Variants in NAV3 observed in about 807,000 individuals in gnomAD.
NAV3 encodes pore membrane and/or filament interacting like protein 1.
Under a neutral mutation model 244.7 loss-of-function variants are expected in NAV3, and 87 were observed. The observed-to-expected ratio is 0.36, with a 90% CI of 0.30 to 0.42. The LOEUF (loss-of-function observed/expected upper bound fraction) is 0.42, where lower values mean the gene tolerates loss of function less well. NAV3 is among the 20% of genes least tolerant of loss of function. NAV3 has a pLI of 1.00. For synonymous variants in NAV3, 1,126 were observed against 1,042.2 expected (o/e 1.08, Z -1.55); for missense variants, 2,663 against 2,893.3 (o/e 0.92, Z 1.83).
intron 9 of NAV3, among the ~76,000 whole-genome samples, chr12:78,048,702 C>A (rs550698306): frequency 3.3e-5 from 5 of 152,322 alleles, no homozygotes; most frequent in South Asian, 4.1e-4. Flanking sequence ...GGGTCAGGGA[C>A]CCACTTGAGG....
intron 1 of NAV3, among the ~76,000 whole-genome samples, chr12:77,831,992 A>G (rs1019211736): frequency 6.6e-6 from 1 of 152,238 alleles, no homozygotes; most frequent in Non-Finnish European, 1.5e-5. Flanking sequence ...CTCTATTACT[A>G]ATAATCATAA....
At chr12:78,118,883 G>A (rs1566160050) in intron 14 of NAV3, among the ~76,000 whole-genome samples, 1 of 152,094 alleles carries the variant, frequency 6.6e-6, no homozygotes, top group Non-Finnish European at 1.5e-5. Context: ...AATTAACAGG[G>A]TACTCCAAAT....
chr12:77,990,479 A>T (rs1054609102), intron 5 of NAV3, among the ~76,000 whole-genome samples: 4 of 152,206 alleles, frequency 2.6e-5, no homozygotes, highest in African/African-American at 9.6e-5. Context: ...AAGAGGCCTG[A>T]TGGTCAGTTT....
chr12:77,957,086 C>T (rs923533411), intron 3 of NAV3, among the ~76,000 whole-genome samples: 8 of 152,184 alleles, frequency 5.3e-5, no homozygotes, highest in Admixed American at 2.6e-4. Flanking sequence ...ATGAAGCTTT[C>T]TCTGTATCTG....
intron 2 of NAV3, among the ~76,000 whole-genome samples, chr12:77,668,093 A>C (rs1873800830): frequency 6.6e-6 from 1 of 152,204 alleles, no homozygotes; most frequent in Non-Finnish European, 1.5e-5. Context: ...GAAAGGGGAG[A>C]CCACCACATC....
At chr12:77,873,361 T>C (rs1881277237) in intron 1 of NAV3, among the ~76,000 whole-genome samples, 1 of 152,090 alleles carries the variant, frequency 6.6e-6, no homozygotes, top group Non-Finnish European at 1.5e-5. Context: ...ACAGATCTTA[T>C]TGTTACTTTG....
At chr12:77,697,620 G>C (rs1818219550) in intron 2 of NAV3, among the ~76,000 whole-genome samples, 1 of 151,828 alleles carries the variant, frequency 6.6e-6, no homozygotes, top group African/African-American at 2.4e-5. Flanking sequence ...TTTCACTCTG[G>C]CTCATTTTAT....
chr12:77,795,312 T>C (rs986630050), intron 2 of NAV3, among the ~76,000 whole-genome samples: 25 of 152,082 alleles, frequency 1.6e-4, no homozygotes, highest in Admixed American at 1.5e-3. Flanking sequence ...CTGTCTTCGA[T>C]TGTAACAAGG....
At chr12:77,966,081 A>G in intron 3 of NAV3, 148 bp from the exon 4 acceptor site, 2 of 711,378 alleles carry the variant, frequency 2.8e-6, no homozygotes, top group Non-Finnish European at 4.8e-6. Context: ...TAGCCAAAAT[A>G]ATTCTAGTTA....
At chr12:78,084,596 TTC>T (rs1189904179) in intron 12 of NAV3, among the ~76,000 whole-genome samples, 6 of 151,192 alleles carry the variant, frequency 4.0e-5, no homozygotes, top group Non-Finnish European at 5.9e-5. Flanking sequence ...CTCTCTCTCT[TTC>T]TCTCTCTCTC....
At chr12:77,781,524 G>C (rs905285140) in intron 2 of NAV3, among the ~76,000 whole-genome samples, 1 of 152,044 alleles carries the variant, frequency 6.6e-6, no homozygotes, top group African/African-American at 2.4e-5. Context: ...CCCCTGCTTT[G>C]AGTTGTCCTG....
chr12:77,968,026 T>C (rs1892666050), intron 4 of NAV3, among the ~76,000 whole-genome samples: 1 of 152,142 alleles, frequency 6.6e-6, no homozygotes, highest in Non-Finnish European at 1.5e-5. Flanking sequence ...AGAAAGAAAG[T>C]TGATTGCAAC....
At chr12:77,916,216 A>G (rs759337153) in intron 1 of NAV3, among the ~76,000 whole-genome samples, 1 of 152,070 alleles carries the variant, frequency 6.6e-6, no homozygotes, top group Non-Finnish European at 1.5e-5. Context: ...TTTAGATTGC[A>G]CCATAATGTT....
At chr12:78,147,047 C>T (rs1227126853) in intron 21 of NAV3, among the ~76,000 whole-genome samples, 1 of 152,008 alleles carries the variant, frequency 6.6e-6, no homozygotes, top group Non-Finnish European at 1.5e-5. Flanking sequence ...GATTGGTTTA[C>T]ACTGAGGCAA....
chr12:77,824,074 C>T (rs553884518), intron 2 of NAV3, among the ~76,000 whole-genome samples: 5 of 151,698 alleles, frequency 3.3e-5, no homozygotes, highest in Admixed American at 3.3e-4. Context: ...AAATGAAGCA[C>T]AGAGAGTAAA....
At chr12:77,839,114 A>G (rs1354408660) in intron 1 of NAV3, among the ~76,000 whole-genome samples, 1 of 152,156 alleles carries the variant, frequency 6.6e-6, no homozygotes, top group African/African-American at 2.4e-5. Context: ...AGCGTAGGAT[A>G]TTTGGCAGCA....
At chr12:78,175,245 A>G (rs952502299) in intron 24 of NAV3, 61 bp from the exon 25 acceptor site, 2 of 1,573,008 alleles carry the variant, frequency 1.3e-6, no homozygotes, top group Non-Finnish European at 1.7e-6. Context: ...GACCTAAAAG[A>G]CTTATTTGTT....
At chr12:78,020,046 T>A (rs1876887543) in intron 8 of NAV3, among the ~76,000 whole-genome samples, 1 of 152,164 alleles carries the variant, frequency 6.6e-6, no homozygotes. Context: ...ATGATTGAGA[T>A]CATTTAGAGA....
chr12:78,072,900 GTAATCCAGCATA>G (rs1952850327), intron 12 of NAV3, among the ~76,000 whole-genome samples: 1 of 130,338 alleles, frequency 7.7e-6, no homozygotes, highest in Admixed American at 7.8e-5. Context: ...ATCAATAAAT[GTAATCCAGCATA>G]TAAACAGAGC....
Sources: allele counts gnomAD v4.1 joint callset (sites outside exome capture counted in the v4.1 genomes callset), GRCh38; gene constraint gnomAD v4.1.1; transcripts MANE v1.5; gene names NCBI Gene and HGNC (gene_info 2026-07-23, HGNC 2026-07-21).